Variants in PPM1H observed in about 807,000 individuals in gnomAD.
The protein encoded by PPM1H is protein phosphatase 1H.
A neutral mutation model predicts 54.9 loss-of-function variants in PPM1H; 27 were observed. The observed-to-expected ratio is 0.49, with a 90% CI of 0.36 to 0.68. The LOEUF (loss-of-function observed/expected upper bound fraction) is 0.68, where lower values mean the gene tolerates loss of function less well. Ranked by LOEUF, PPM1H falls within the 30% of genes least tolerant of loss-of-function variation. The pLI is 0.00. For missense variants in PPM1H, 596 were observed against 667.8 expected (o/e 0.89, Z 1.19); for synonymous variants, 305 against 270.8 (o/e 1.13, Z -1.24).
intron 6 of PPM1H, among the ~76,000 whole-genome samples, chr12:62,708,496 G>T (rs913756915): frequency 1.2e-4 from 19 of 152,138 alleles, no homozygotes; most frequent in African/African-American, 4.6e-4. Flanking sequence ...ATCAAGCTCT[G>T]GTAAGAGTGA....
chr12:62,689,453 T>C (rs1320573084), intron 8 of PPM1H, among the ~76,000 whole-genome samples: 1 of 152,110 alleles, frequency 6.6e-6, no homozygotes, highest in Non-Finnish European at 1.5e-5. Context: ...ATAAGTAGCA[T>C]GGATTGGCAG....
intron 2 of PPM1H, among the ~76,000 whole-genome samples, chr12:62,805,062 A>C (rs2076798694): frequency 6.6e-6 from 1 of 152,230 alleles, no homozygotes; most frequent in Admixed American, 6.5e-5. Flanking sequence ...AAGGATCTGA[A>C]TAGACATTTC....
chr12:62,924,032 C>T (rs1420197088), intron 1 of PPM1H, among the ~76,000 whole-genome samples: 1 of 152,158 alleles, frequency 6.6e-6, no homozygotes, highest in African/African-American at 2.4e-5. Context: ...TCATGAAACA[C>T]TGGTGATGGT....
intron 2 of PPM1H, among the ~76,000 whole-genome samples, chr12:62,831,253 A>G (rs902739363): frequency 6.6e-6 from 1 of 152,194 alleles, no homozygotes; most frequent in African/African-American, 2.4e-5. Context: ...ATCAGAATGA[A>G]TAGTCACATT....
chr12:62,798,656 A>G (rs7300333), intron 3 of PPM1H, among the ~76,000 whole-genome samples: 3,814 of 152,278 alleles, frequency 0.025, 156 homozygotes, highest in African/African-American at 0.087. Context: ...GATATGGCAC[A>G]TCTGGGCCTG....
intron 9 of PPM1H, among the ~76,000 whole-genome samples, chr12:62,665,714 A>C (rs1170366088): frequency 2.0e-5 from 3 of 151,964 alleles, no homozygotes; most frequent in African/African-American, 7.3e-5. Context: ...GTCTCTTTTA[A>C]GACTCCTATT....
intron 4 of PPM1H, among the ~76,000 whole-genome samples, chr12:62,773,663 G>C (rs1177357398): frequency 1.3e-5 from 2 of 152,246 alleles, no homozygotes; most frequent in East Asian, 3.9e-4. Flanking sequence ...AAGAGTGAGA[G>C]AGGCAACCTT....
At chr12:62,807,591 T>C (rs2076812335) in intron 2 of PPM1H, among the ~76,000 whole-genome samples, 1 of 150,640 alleles carries the variant, frequency 6.6e-6, no homozygotes, top group Non-Finnish European at 1.5e-5. Flanking sequence ...TCCCTTTTGC[T>C]TAACATTTCT....
intron 8 of PPM1H, among the ~76,000 whole-genome samples, chr12:62,680,250 C>T (rs1055971192): frequency 6.6e-6 from 1 of 151,602 alleles, no homozygotes; most frequent in African/African-American, 2.4e-5. Flanking sequence ...TTCTCTTTCC[C>T]TCTTTCCTCT....
chr12:62,647,425 G>A lies in PPM1H; in HGVS notation c.*1064C>T, dbSNP rs1304164203. 6.6e-6 allele frequency: 1 copy of A among 152,264 alleles called. No homozygotes were observed. The highest frequency in any genetic ancestry group is 1.5e-5 in the Non-Finnish European group (1 of 68,092). The allele number at this position is 152,264 out of a possible 1,614,324, so 9.4% of individuals were successfully genotyped here. On this transcript the variant is annotated 3_prime_UTR_variant, in exon 10 of 10. Coordinates refer to ENST00000228705, the MANE Select transcript of PPM1H (RefSeq NM_020700.2). The stretch of plus-strand genomic sequence containing the variant: ...GGAGTGGGCTTGGGGACAGTCACAA[G>A]CCATGAAACATGAATCCAAAATGGT...
At chr12:62,910,726 C>A (rs1160273430) in intron 1 of PPM1H, among the ~76,000 whole-genome samples, 1 of 152,134 alleles carries the variant, frequency 6.6e-6, no homozygotes, top group Non-Finnish European at 1.5e-5. Context: ...CGGTCACCAC[C>A]TCCTGCCTGT....
intron 1 of PPM1H, chr12:62,850,876 T>C (rs923645519): frequency 4.6e-5 from 7 of 152,122 alleles, no homozygotes; most frequent in South Asian, 2.1e-4. Flanking sequence ...TTCGTGATCA[T>C]GTTATCTCCC....
intron 1 of PPM1H, among the ~76,000 whole-genome samples, chr12:62,839,073 TGTG>T (rs1368721841): frequency 6.6e-6 from 1 of 152,122 alleles, no homozygotes; most frequent in Non-Finnish European, 1.5e-5. Context: ...ATGAATTTGC[TGTG>T]GTGTTTGGCT....
At chr12:62,680,052 C>A (rs1240596230) in intron 8 of PPM1H, among the ~76,000 whole-genome samples, 1 of 152,180 alleles carries the variant, frequency 6.6e-6, no homozygotes, top group Non-Finnish European at 1.5e-5. Flanking sequence ...TTCTTCACAT[C>A]AAGAGGTGGA....
At chr12:62,663,736 A>G (rs915974759) in intron 9 of PPM1H, among the ~76,000 whole-genome samples, 27 of 152,232 alleles carry the variant, frequency 1.8e-4, no homozygotes, top group African/African-American at 5.8e-4. Flanking sequence ...TCATGCCTGT[A>G]ATCCCAGCAC....
chr12:62,914,538 G>A (rs1412537508), intron 1 of PPM1H, among the ~76,000 whole-genome samples: 2 of 152,232 alleles, frequency 1.3e-5, no homozygotes, highest in Non-Finnish European at 2.9e-5. Context: ...TAGCACATCT[G>A]TGGGAGAGGG....
At chr12:62,686,067 G>A (rs547303824) in intron 8 of PPM1H, among the ~76,000 whole-genome samples, 14 of 152,258 alleles carry the variant, frequency 9.2e-5, no homozygotes, top group Admixed American at 2.0e-4. Context: ...CCACTCCCAC[G>A]AATGCTGAAG....
intron 4 of PPM1H, among the ~76,000 whole-genome samples, chr12:62,769,899 A>G (rs1193020412): frequency 1.3e-5 from 2 of 152,226 alleles, no homozygotes; most frequent in Non-Finnish European, 2.9e-5. Flanking sequence ...GTTGCAAGAG[A>G]AAAGCAACAG....
Position 62,926,341 on chromosome 12 carries a change from C to T in PPM1H, c.245+8151G>A, listed in dbSNP as rs147010200. 1.9e-3 allele frequency among the ~76,000 whole-genome samples: 286 copies of T among 152,206 alleles called. 1 individual carries two copies. The highest frequency in any genetic ancestry group is 6.3e-3 in the African/African-American group (260 of 41,520). ...ATCACCATTTCCTTCCCCCCACCAC[C>T]CCAAAGTTAGCTCAAAGGCATTTCT... On this transcript the variant is annotated intron_variant, in intron 1 of 9. Coordinates refer to ENST00000228705, the MANE Select transcript of PPM1H (RefSeq NM_020700.2).
Sources: allele counts gnomAD v4.1 joint callset (sites outside exome capture counted in the v4.1 genomes callset), GRCh38; gene constraint gnomAD v4.1.1; transcripts MANE v1.5; gene names NCBI Gene and HGNC (gene_info 2026-07-23, HGNC 2026-07-21).